SEC31B: variants seen among roughly 807,000 people sequenced by gnomAD.
The protein encoded by SEC31B is protein transport protein Sec31B.
SEC31B carries 113 observed loss-of-function variants against 135.0 expected under a neutral mutation model. That is an observed-to-expected ratio of 0.84 (90% confidence interval 0.72 to 0.98). SEC31B has a LOEUF of 0.98. Ranked by LOEUF, SEC31B falls within the 50% of genes least tolerant of loss-of-function variation. The pLI is 0.00. For synonymous variants in SEC31B, 508 were observed against 549.4 expected, an observed-to-expected ratio of 0.92 and a Z score of 1.05; for missense variants, 1,296 against 1,421.1, an observed-to-expected ratio of 0.91 and a Z score of 1.42.
Position 100,490,166 on chromosome 10 carries a change from A to G in SEC31B, c.2807T>C (p.Leu936Pro), listed in dbSNP as rs780079597. 1.5e-5 allele frequency: 24 copies of G among 1,600,700 alleles called. No homozygotes were observed. The South Asian group carries it at 2.1e-4, about 14-fold the overall frequency. ...TGGTCTCAGAGGAAGCAGAGGGAAC[A>G]GTCTAGGAGTCTCAGGCAGGGAGGT... is the stretch of plus-strand genomic sequence containing the variant. ...GSTSLPETPRLFPLLPLRPLG... is the reference protein window; with the variant it reads ...GSTSLPETPRPFPLLPLRPLG... The change falls in exon 21 of 26, where the codon CTG becomes CCG. Residue 936 changes from leucine to proline, a missense_variant. By Grantham distance (98) the Leu-to-Pro change is moderately conservative. Transcript: ENST00000370345.
chr10:100,489,061 A>G, intron 23 of SEC31B, 87 bp from the exon 24 acceptor site: 1 of 1,523,190 alleles, frequency 6.6e-7, no homozygotes, highest in South Asian at 1.3e-5. Context: ...AGTGACTCAC[A>G]GTCACACTGT....
intron 24 of SEC31B, among the ~76,000 whole-genome samples, 162 bp downstream of exon 24, chr10:100,488,696 G>C (rs1438013792): frequency 6.6e-6 from 1 of 152,030 alleles, no homozygotes; most frequent in Non-Finnish European, 1.5e-5. Flanking sequence ...AGACTCAAAA[G>C]TCTCTCCCCA....
intron 3 of SEC31B, among the ~76,000 whole-genome samples, chr10:100,510,277 T>G (rs1202457403): frequency 6.6e-6 from 1 of 152,206 alleles, no homozygotes; most frequent in Non-Finnish European, 1.5e-5. Context: ...CCCCACCCCA[T>G]GCCTCTCCCA....
At chr10:100,516,290 GT>G (rs1851843741) in intron 2 of SEC31B, 71 bp from the exon 3 acceptor site, 45 of 1,535,878 alleles carry the variant, frequency 2.9e-5, no homozygotes, top group Non-Finnish European at 3.9e-5. Context: ...AGGTTAAGGA[GT>G]GAAGAAGAGA....
At position 100,497,370 on chromosome 10, in the gene SEC31B, T is replaced by C. The variant is rs374034115; in HGVS notation, c.1991-90A>G. The C allele has an allele frequency of 2.3e-5, 36 of 1,567,158 alleles. No homozygotes were observed. In the South Asian group the frequency reaches 3.6e-4, roughly 16 times the overall value. On this transcript the variant is annotated intron_variant, in intron 16 of 25. Coordinates refer to ENST00000370345, the MANE Select transcript of SEC31B (RefSeq NM_015490.4). ...GGAAACAGGGAGAGGACCATGAGCC[T>C]GGGACAAGTAGCTGCAGTTTAAGAC...
chr10:100,489,350 T>A lies in SEC31B; in HGVS notation c.3073A>T (p.Ser1025Cys), dbSNP rs1256429031. 1.6e-5 allele frequency: 26 copies of A among 1,613,902 alleles called. No individual in the cohort carries two copies. The highest frequency in any genetic ancestry group is 2.2e-5 in the Non-Finnish European group (26 of 1,179,946). Residue 1025 changes from serine to cysteine, a missense_variant, in exon 23 of 26, where the codon AGC becomes TGC. Coordinates refer to ENST00000370345, the MANE Select transcript of SEC31B (RefSeq NM_015490.4). ...PPAPITAPVM[S>C]LTPELQGILP... Reference sequence around the variant, plus strand: ...ATCCCTTGTAGCTCAGGGGTGAGGCTCATAACTGGAGCAGTAATTGGTGCT... The same window carrying A: ...ATCCCTTGTAGCTCAGGGGTGAGGCACATAACTGGAGCAGTAATTGGTGCT...
At chr10:100,508,503 A>G in intron 5 of SEC31B, 1 of 463,986 alleles carries the variant, frequency 2.2e-6, no homozygotes, top group Non-Finnish European at 4.3e-6. Flanking sequence ...AAGGCCAGGA[A>G]GCAAAAAGAT....
chr10:100,509,278 C>T (rs758548662), intron 4 of SEC31B, 38 bp downstream of exon 4: 4 of 1,593,840 alleles, frequency 2.5e-6, no homozygotes, highest in African/African-American at 2.7e-5. Context: ...TCTGTTGCTC[C>T]CTGGCTTGGC....
In SEC31B at chr10:100,506,108, C is replaced by T. The variant is rs375086611; in HGVS notation, c.976G>A (p.Gly326Ser). 7.4e-6 allele frequency: 12 copies of T among 1,614,194 alleles called. No individual in the cohort carries two copies. The highest frequency in any genetic ancestry group is 3.3e-5 in the Admixed American group (2 of 60,024). ...ATCACAGAGTACAAACTGATCCAGC[C>T]GTTGAAGGAGGCAGCAGAGAACACT... ...PSVFSAASFN[G>S]WISLYSVMGR... The change falls in exon 9 of 26, where the codon GGC becomes AGC. Residue 326 changes from glycine to serine, a missense_variant. Gly to Ser is a moderately conservative substitution (Grantham distance 56). Coordinates refer to ENST00000370345, the MANE Select transcript of SEC31B (RefSeq NM_015490.4).
intron 19 of SEC31B, among the ~76,000 whole-genome samples, chr10:100,491,413 C>G (rs1458794989): frequency 6.6e-6 from 1 of 152,088 alleles, no homozygotes; most frequent in Non-Finnish European, 1.5e-5. Flanking sequence ...CCAGTATTAC[C>G]CTGATGCCAG....
At chr10:100,488,490 T>C (rs1000161061) in intron 24 of SEC31B, among the ~76,000 whole-genome samples, 1 of 150,754 alleles carries the variant, frequency 6.6e-6, no homozygotes, top group African/African-American at 2.4e-5. Flanking sequence ...TCACAGCATA[T>C]TAGAGCTAGA....
chr10:100,510,471 A>G (rs974836078), intron 3 of SEC31B, among the ~76,000 whole-genome samples: 5 of 152,218 alleles, frequency 3.3e-5, no homozygotes, highest in African/African-American at 1.2e-4. Flanking sequence ...TCCCTTCTAG[A>G]CAAGTTTGGG....
rs777585623 is a variant in SEC31B, at chr10:100,519,805, G to T, written c.-69C>A. On this transcript the variant is annotated 5_prime_UTR_variant, in exon 1 of 26. Coordinates refer to ENST00000370345, the MANE Select transcript of SEC31B (RefSeq NM_015490.4). The stretch of plus-strand genomic sequence containing the variant: ...ACCTGTGCGGAAGACCCCGGACAAG[G>T]GTCAGGCGCGGCGGCCGGAGCCGCT... 4.6e-5 allele frequency: 7 copies of T among 152,302 alleles called. No individual in the cohort carries two copies. The highest frequency in any genetic ancestry group is 1.0e-4 in the Non-Finnish European group (7 of 68,110). 9.4% of individuals were successfully genotyped at this position (152,302 alleles called of 1,614,324 possible).
chr10:100,498,376 G>T, intron 14 of SEC31B, 169 bp from the exon 15 acceptor site: 1 of 706,318 alleles, frequency 1.4e-6, no homozygotes, highest in Non-Finnish European at 2.3e-6. Context: ...TTGGTGCCCA[G>T]GTCTAAAGAC....
chr10:100,508,718 G>A, intron 5 of SEC31B: 1 of 482,720 alleles, frequency 2.1e-6, no homozygotes, highest in East Asian at 4.2e-5. Context: ...GTGATAAACA[G>A]CACTCCCATC....
chr10:100,498,335 C>G (rs1851453309), intron 14 of SEC31B, 128 bp from the exon 15 acceptor site: 1 of 899,868 alleles, frequency 1.1e-6, no homozygotes, highest in Admixed American at 2.8e-5. Flanking sequence ...ACTAAATCCT[C>G]AAGTTTCACT....
chr10:100,506,327 G>A lies in SEC31B; in HGVS notation c.876C>T (p.Ser292=). ...CACAGAAGGGCCAGCCTACCTCACT[G>A]CTCCCCAGGTTCCGGCACAAGATCT... is the stretch of plus-strand genomic sequence containing the variant. ...DSQILCRNLG[S]SEVVYKLPTQ... is the part of the protein sequence containing the mutation. The change falls in exon 8 of 26, where the codon AGC becomes AGT. Residue 292 remains serine (S), a synonymous_variant. Coordinates refer to ENST00000370345, the MANE Select transcript of SEC31B (RefSeq NM_015490.4). 3 of 1,614,072 alleles carry A rather than the reference G, an allele frequency of 1.9e-6. No homozygotes were observed. The highest frequency in any genetic ancestry group is 2.5e-6 in the Non-Finnish European group (3 of 1,180,004).
chr10:100,508,094 C>T (rs1183346892), intron 5 of SEC31B, 43 bp from the exon 6 acceptor site: 2 of 1,610,912 alleles, frequency 1.2e-6, no homozygotes, highest in South Asian at 1.1e-5. Flanking sequence ...TTGTCACCCC[C>T]TGGACAAAGT....
chr10:100,501,463 G>C (rs1367954050), intron 11 of SEC31B, among the ~76,000 whole-genome samples: 2 of 152,154 alleles, frequency 1.3e-5, no homozygotes, highest in Admixed American at 1.3e-4. Flanking sequence ...TCACTGTATA[G>C]TCAAGATCTT....
Sources: allele counts gnomAD v4.1 joint callset (sites outside exome capture counted in the v4.1 genomes callset), GRCh38; gene constraint gnomAD v4.1.1; transcripts MANE v1.5; gene names NCBI Gene and HGNC (gene_info 2026-07-23, HGNC 2026-07-21).